The following TBL1XR1 variants were observed in gnomAD, a reference collection of about 807,000 sequenced individuals.
TBL1XR1 encodes the protein TBL1X/Y related 1, also known as F-box-like/WD repeat-containing protein TBL1XR1.
In TBL1XR1, 5 loss-of-function variants were observed where a neutral mutation model predicts 66.9. The observed-to-expected ratio is 0.07, with a 90% CI of 0.04 to 0.16. TBL1XR1 has a LOEUF of 0.16. TBL1XR1 is among the 10% of genes least tolerant of loss of function. The pLI is 1.00. For synonymous variants in TBL1XR1, 210 were observed against 206.0 expected, an observed-to-expected ratio of 1.02 and a Z score of -0.17; for missense variants, 238 against 623.2, an observed-to-expected ratio of 0.38 and a Z score of 6.58.
At chr3:177,036,458 C>G (rs1050506759) in intron 12 of TBL1XR1, among the ~76,000 whole-genome samples, 25 of 152,204 alleles carry the variant, frequency 1.6e-4, no homozygotes, top group African/African-American at 5.8e-4. Flanking sequence ...GACATTTAAA[C>G]ATTCTTAGGA....
intron 1 of TBL1XR1, among the ~76,000 whole-genome samples, chr3:177,184,553 G>A (rs1293908722): frequency 6.6e-6 from 1 of 152,204 alleles, no homozygotes; most frequent in Non-Finnish European, 1.5e-5. Flanking sequence ...TGTAATCTCA[G>A]CACTTTGGGA....
chr3:177,033,536 A>C (rs921453354), intron 13 of TBL1XR1, among the ~76,000 whole-genome samples: 4 of 152,050 alleles, frequency 2.6e-5, no homozygotes, highest in African/African-American at 9.7e-5. Context: ...AAAGATACTG[A>C]AGATTTTGCT....
At chr3:177,160,153 G>A (rs998201215) in intron 1 of TBL1XR1, among the ~76,000 whole-genome samples, 13 of 152,062 alleles carry the variant, frequency 8.5e-5, no homozygotes, top group African/African-American at 2.2e-4. Context: ...TGGAGGCCTT[G>A]TTTAGCTGCT....
chr3:177,020,286 T>TA lies in TBL1XR1; in HGVS notation c.*5211dup, dbSNP rs1451734067. The TA allele has an allele frequency of 2.0e-5, 3 of 152,096 alleles. No individual in the cohort carries two copies. The highest frequency in any genetic ancestry group is 7.2e-5 in the African/African-American group (3 of 41,422). 9.4% of individuals were successfully genotyped at this position (152,096 alleles called of 1,614,324 possible). On this transcript the variant is annotated 3_prime_UTR_variant, in exon 16 of 16. Transcript: ENST00000457928. ...GGTCTCTTTTTCAGCTTCTGTGAAA[T>TA]AACGTCTTTTAAATACAATATTTAT...
intron 2 of TBL1XR1, among the ~76,000 whole-genome samples, chr3:177,084,837 T>C (rs1190462395): frequency 6.6e-6 from 1 of 152,198 alleles, no homozygotes; most frequent in Non-Finnish European, 1.5e-5. Flanking sequence ...CTGAAACAGG[T>C]TTGTTCTATG....
rs1288276572 is a variant in TBL1XR1 at position 177,024,027 on chromosome 3, G to C, written c.*1471C>G. On this transcript the variant is annotated 3_prime_UTR_variant, in exon 16 of 16. Coordinates refer to ENST00000457928, the MANE Select transcript of TBL1XR1 (RefSeq NM_024665.7). ...TTACTCTAAGTTGCATGAGCACAAG[G>C]TTTAATATCTATATCTTTAAGAAAA... The C allele has an allele frequency of 6.6e-6, 1 of 151,568 alleles. No individual in the cohort carries two copies. The highest frequency in any genetic ancestry group is 2.4e-5 in the African/African-American group (1 of 41,242). 9.4% of individuals were successfully genotyped at this position (151,568 alleles called of 1,614,324 possible).
At chr3:177,064,863 A>T in intron 3 of TBL1XR1, 57 bp downstream of exon 3, 1 of 1,191,000 alleles carries the variant, frequency 8.4e-7, no homozygotes, top group Non-Finnish European at 1.2e-6. Context: ...TGCATAAAAG[A>T]TTATTTTGAG....
rs3046468 is a variant in TBL1XR1 at position 177,054,045 on chromosome 3, CGT to C, written c.59-129_59-128del. The C allele has an allele frequency of 0.23, 142,812 of 608,222 alleles. 9,581 individuals carry two copies. Among genetic ancestry groups the C allele is most frequent in the Middle Eastern group, 0.25 (681 of 2,678 alleles). 37.7% of individuals were successfully genotyped at this position (608,222 alleles called of 1,614,324 possible). On this transcript the variant is annotated intron_variant, in intron 3 of 15. Coordinates refer to ENST00000457928, the MANE Select transcript of TBL1XR1 (RefSeq NM_024665.7). Reference sequence around the variant, plus strand: ...CCCATTTAAAATCCCAGACGAAGGTCGTGTGTGTGTGTGTGTGTGTGTGTGTG... The same window carrying C: ...CCCATTTAAAATCCCAGACGAAGGTCGTGTGTGTGTGTGTGTGTGTGTGTG...
intron 1 of TBL1XR1, among the ~76,000 whole-genome samples, chr3:177,163,573 C>T (rs1732473646): frequency 6.6e-6 from 1 of 150,940 alleles, no homozygotes; most frequent in Non-Finnish European, 1.5e-5. Flanking sequence ...AAGGTAAAAA[C>T]AGCAAAACAC....
chr3:177,169,484 T>C (rs6786351), intron 1 of TBL1XR1, among the ~76,000 whole-genome samples: 92,196 of 152,054 alleles, frequency 0.61, 28,251 homozygotes, highest in East Asian at 0.75. Context: ...GGCAGATACA[T>C]GGAATAAGAA....
At chr3:177,192,724 TCAAA>T (rs1310098279) in intron 1 of TBL1XR1, among the ~76,000 whole-genome samples, 1 of 152,138 alleles carries the variant, frequency 6.6e-6, no homozygotes, top group African/African-American at 2.4e-5. Flanking sequence ...ACTTCAAAAA[TCAAA>T]CCTATCAGGA....
chr3:177,112,090 TATA>T (rs1725661520), intron 1 of TBL1XR1, among the ~76,000 whole-genome samples: 1 of 52,410 alleles, frequency 1.9e-5, no homozygotes, highest in Non-Finnish European at 3.3e-5. Flanking sequence ...TATATATATA[TATA>T]TATATATATA....
intron 1 of TBL1XR1, among the ~76,000 whole-genome samples, chr3:177,116,443 A>AT (rs1726320917): frequency 6.6e-6 from 1 of 152,122 alleles, no homozygotes; most frequent in Non-Finnish European, 1.5e-5. Context: ...TTAGTTTCCC[A>AT]AACTCCTCTT....
chr3:177,072,664 T>C (rs745726249), intron 2 of TBL1XR1, among the ~76,000 whole-genome samples: 3 of 152,224 alleles, frequency 2.0e-5, no homozygotes, highest in Non-Finnish European at 2.9e-5. Context: ...ATGGTTTGAA[T>C]TGCAAGTTAC....
At chr3:177,100,391 A>C (rs553811752) in intron 1 of TBL1XR1, among the ~76,000 whole-genome samples, 1 of 152,322 alleles carries the variant, frequency 6.6e-6, no homozygotes, top group Admixed American at 6.5e-5. Context: ...ACTTAATTGT[A>C]GAGCAAAGCT....
At chr3:177,180,663 A>G (rs1734713378) in intron 1 of TBL1XR1, among the ~76,000 whole-genome samples, 1 of 152,182 alleles carries the variant, frequency 6.6e-6, no homozygotes, top group Non-Finnish European at 1.5e-5. Context: ...GTTCCAAATG[A>G]TAACAGAATC....
At chr3:177,101,302 C>T (rs1234188934) in intron 1 of TBL1XR1, among the ~76,000 whole-genome samples, 6 of 149,156 alleles carry the variant, frequency 4.0e-5, no homozygotes, top group African/African-American at 1.5e-4. Context: ...TTTTTTTTTG[C>T]AAGATTAAGT....
At chr3:177,198,339 G>A (rs1275617178), upstream of TBL1XR1, among the ~76,000 whole-genome samples, 1 of 152,140 alleles carries the variant, frequency 6.6e-6, no homozygotes, top group African/African-American at 2.4e-5. Flanking sequence ...TGTTTGAAAG[G>A]TTTGCTCGAT....
intron 2 of TBL1XR1, among the ~76,000 whole-genome samples, chr3:177,088,205 C>T (rs970068675): frequency 2.6e-5 from 4 of 152,144 alleles, no homozygotes; most frequent in Non-Finnish European, 5.9e-5. Context: ...GCACCCCAAT[C>T]TAAAAATTCA....
Sources: allele counts gnomAD v4.1 joint callset (sites outside exome capture counted in the v4.1 genomes callset), GRCh38; gene constraint gnomAD v4.1.1; transcripts MANE v1.5; gene names NCBI Gene and HGNC (gene_info 2026-07-23, HGNC 2026-07-21).